RPS6KA2: variants seen among roughly 807,000 people sequenced by gnomAD.
RPS6KA2 encodes ribosomal protein S6 kinase A2.
A neutral mutation model predicts 91.8 loss-of-function variants in RPS6KA2; 42 were observed. The ratio of observed to expected loss-of-function variants is 0.46; its 90% CI spans 0.36 to 0.59. The LOEUF is 0.59. RPS6KA2 is among the 20% of genes least tolerant of loss of function. The pLI is 0.00. For missense variants in RPS6KA2, 798 were observed against 978.5 expected, an observed-to-expected ratio of 0.82 and a Z score of 2.46; for synonymous variants, 414 against 393.6, an observed-to-expected ratio of 1.05 and a Z score of -0.61.
intron 1 of RPS6KA2, among the ~76,000 whole-genome samples, chr6:166,618,850 C>T (rs1168248820): frequency 1.3e-5 from 2 of 152,238 alleles, no homozygotes; most frequent in South Asian, 2.1e-4. Context: ...CACCGCAGTA[C>T]GACGCGCTCA....
chr6:166,604,660 G>A (rs1439732810), intron 1 of RPS6KA2, among the ~76,000 whole-genome samples: 1 of 152,192 alleles, frequency 6.6e-6, no homozygotes, highest in Non-Finnish European at 1.5e-5. Context: ...ACATAAATAT[G>A]GACAGTGCTC....
chr6:166,682,363 T>C (rs2281143), intron 2 of RPS6KA2, among the ~76,000 whole-genome samples: 28,039 of 152,194 alleles, frequency 0.18, 2,704 homozygotes, highest in Middle Eastern at 0.29. Context: ...TATCCACGTT[T>C]GGCTTACATC....
chr6:166,750,639 C>T (rs377526837), intron 2 of RPS6KA2, among the ~76,000 whole-genome samples: 4 of 152,228 alleles, frequency 2.6e-5, no homozygotes, highest in Admixed American at 6.5e-5. Flanking sequence ...CACCCGAGCC[C>T]GAGCTCCTTG....
chr6:166,480,884 A>T (rs1193924948), intron 10 of RPS6KA2, among the ~76,000 whole-genome samples: 1 of 152,024 alleles, frequency 6.6e-6, no homozygotes, highest in Non-Finnish European at 1.5e-5. Context: ...TCCTGACCTT[A>T]GCTGATCCAC....
At chr6:166,432,100 C>T (rs1008804073) in intron 15 of RPS6KA2, among the ~76,000 whole-genome samples, 5 of 152,170 alleles carry the variant, frequency 3.3e-5, no homozygotes, top group African/African-American at 9.7e-5. Context: ...TCTGTGCTCC[C>T]GGATCCCAAA....
chr6:166,456,595 A>C (rs980301530), intron 12 of RPS6KA2, among the ~76,000 whole-genome samples: 1 of 152,222 alleles, frequency 6.6e-6, no homozygotes, highest in Non-Finnish European at 1.5e-5. Flanking sequence ...AAAAGACTGA[A>C]AGCCTAACTG....
intron 1 of RPS6KA2, among the ~76,000 whole-genome samples, chr6:166,621,357 C>T (rs1365648586): frequency 6.6e-6 from 1 of 152,210 alleles, no homozygotes; most frequent in Non-Finnish European, 1.5e-5. Flanking sequence ...TTTCCCCTAG[C>T]TAAGCAGTTA....
chr6:166,545,312 T>C (rs1343951608), intron 1 of RPS6KA2, among the ~76,000 whole-genome samples: 1 of 152,240 alleles, frequency 6.6e-6, no homozygotes, highest in African/African-American at 2.4e-5. Context: ...TTTTTCTTTT[T>C]CTGACCAATG....
At chr6:166,815,355 T>C (rs1779735696) in intron 2 of RPS6KA2, among the ~76,000 whole-genome samples, 1 of 152,214 alleles carries the variant, frequency 6.6e-6, no homozygotes, top group Non-Finnish European at 1.5e-5. Context: ...GGATGCTGCC[T>C]GCCACATGCT....
At chr6:166,597,621 G>A (rs1785583620) in intron 1 of RPS6KA2, among the ~76,000 whole-genome samples, 1 of 152,232 alleles carries the variant, frequency 6.6e-6, no homozygotes, top group African/African-American at 2.4e-5. Context: ...GTTCTGGAAT[G>A]CAATGATCAT....
In RPS6KA2 at chr6:166,493,685, T is replaced by C. The variant is rs2235276; in HGVS notation, c.748-2944A>G. ...AGGCCCGATGCTTCTGGGAAGGTAA[T>C]TGGACAGACATAACGCAGTGCTTCT... On this transcript the variant is annotated intron_variant, in intron 8 of 20. Coordinates refer to ENST00000265678, the MANE Select transcript of RPS6KA2 (RefSeq NM_021135.6). This position sits in a 1 kb window ranked among gnomAD's most constrained non-coding sequence, Gnocchi z 4.7. 0.28 allele frequency among the ~76,000 whole-genome samples: 42,108 copies of C among 151,816 alleles called. 6,333 individuals carry two copies. Among genetic ancestry groups the C allele is most frequent in the East Asian group, 0.56 (2,882 of 5,124 alleles).
chr6:166,638,481 A>G (rs186242718), intron 2 of RPS6KA2, among the ~76,000 whole-genome samples: 78 of 152,352 alleles, frequency 5.1e-4, no homozygotes, highest in Non-Finnish European at 9.4e-4. Context: ...CATGAATTAC[A>G]TATAGCTGAG....
intron 10 of RPS6KA2, among the ~76,000 whole-genome samples, chr6:166,486,003 G>A (rs1190307409): frequency 6.6e-6 from 1 of 152,226 alleles, no homozygotes; most frequent in African/African-American, 2.4e-5. Flanking sequence ...AACCGTGGGT[G>A]TGCACCAGGA....
chr6:166,641,562 A>G (rs574353151), intron 2 of RPS6KA2, among the ~76,000 whole-genome samples: 79 of 151,518 alleles, frequency 5.2e-4, no homozygotes, highest in Admixed American at 1.3e-3. Context: ...CATCTCTACT[A>G]AAAATACAAA....
intron 2 of RPS6KA2, among the ~76,000 whole-genome samples, chr6:166,678,153 T>G (rs1239976751): frequency 2.0e-5 from 3 of 152,210 alleles, no homozygotes; most frequent in Non-Finnish European, 4.4e-5. Flanking sequence ...AGCCGTCAAG[T>G]TGTGCAACCA....
chr6:166,498,602 G>C lies in RPS6KA2; in HGVS notation c.653C>G (p.Ser218Cys). The C allele has an allele frequency of 6.2e-7, 1 of 1,613,978 alleles. No homozygotes were observed. Among genetic ancestry groups the C allele is most frequent in the Non-Finnish European group, 8.5e-7 (1 of 1,179,998 alleles). Reference sequence around the variant, plus strand: ...CATGTACTCGATCGTCCCGCAGAAGGAGTACGCTCTCTTGTCGTGGTCAAT... The same window carrying C: ...CATGTACTCGATCGTCCCGCAGAAGCAGTACGCTCTCTTGTCGTGGTCAAT... Reference protein sequence around the residue: ...EAIDHDKRAYSFCGTIEYMAP... With the variant: ...EAIDHDKRAYCFCGTIEYMAP... The change falls in exon 8 of 21, where the codon TCC (serine) becomes TGC (cysteine). Residue 218 changes from serine (S) to cysteine (C), a missense_variant. Transcript: ENST00000265678.
chr6:166,603,360 G>T lies in RPS6KA2; in HGVS notation c.99+23561C>A, dbSNP rs144371709. Reference sequence around the variant, plus strand: ...AGCATAATTAAACCAGGAACTCAGCGCAGCCTCAGAGTGCGTGGGGTGGGG... The same window carrying T: ...AGCATAATTAAACCAGGAACTCAGCTCAGCCTCAGAGTGCGTGGGGTGGGG... On this transcript the variant is annotated intron_variant, in intron 1 of 20. Coordinates refer to ENST00000265678, the MANE Select transcript of RPS6KA2 (RefSeq NM_021135.6). This position sits in a 1 kb window ranked among gnomAD's most constrained non-coding sequence, Gnocchi z 4.3. Among the ~76,000 whole-genome samples, 1 of 152,164 alleles carries T rather than the reference G, an allele frequency of 6.6e-6. No homozygotes were observed. The highest frequency in any genetic ancestry group is 1.5e-5 in the Non-Finnish European group (1 of 68,044).
At chr6:166,741,902 G>A (rs918794194) in intron 2 of RPS6KA2, among the ~76,000 whole-genome samples, 4 of 152,174 alleles carry the variant, frequency 2.6e-5, no homozygotes, top group African/African-American at 4.8e-5. Context: ...CGAGGAAGGC[G>A]GATCACCTGA....
intron 12 of RPS6KA2, among the ~76,000 whole-genome samples, chr6:166,452,992 G>A (rs1779964596): frequency 6.6e-6 from 1 of 152,144 alleles, no homozygotes; most frequent in Admixed American, 6.5e-5. Context: ...TAGGTCAGGA[G>A]TTCGAGACCA....
Sources: allele counts gnomAD v4.1 joint callset (sites outside exome capture counted in the v4.1 genomes callset), GRCh38; gene constraint gnomAD v4.1.1; non-coding constraint Gnocchi (gnomAD v3.1); transcripts MANE v1.5; gene names NCBI Gene and HGNC (gene_info 2026-07-23, HGNC 2026-07-21).